EYS: variants seen among roughly 807,000 people sequenced by gnomAD.
EYS encodes the protein protein eyes shut homolog.
Under a neutral mutation model 282.1 loss-of-function variants are expected in EYS, and 250 were observed. That is an observed-to-expected ratio of 0.89 (90% CI 0.80 to 0.98). The LOEUF is 0.98. Ranked by LOEUF, EYS falls within the 50% of genes least tolerant of loss-of-function variation. The pLI, the probability that EYS is intolerant of heterozygous loss-of-function variation, is 0.00. For synonymous variants in EYS, 1,355 were observed against 1,282.9 expected (o/e 1.06, Z -1.20); for missense variants, 4,016 against 3,709.0 (o/e 1.08, Z -2.15).
At chr6:63,836,510 A>C (rs1480782265) in intron 36 of EYS, among the ~76,000 whole-genome samples, 2 of 152,072 alleles carry the variant, frequency 1.3e-5, no homozygotes, top group Non-Finnish European at 2.9e-5. Flanking sequence ...AGAAGGAAAA[A>C]AGTGAGCATA....
chr6:64,642,351 T>C (rs1768186899), intron 22 of EYS, among the ~76,000 whole-genome samples: 1 of 152,226 alleles, frequency 6.6e-6, no homozygotes, highest in South Asian at 2.1e-4. Context: ...ATATGATATT[T>C]GAAAAATTAT....
At chr6:63,837,099 C>T (rs114350367) in intron 36 of EYS, among the ~76,000 whole-genome samples, 1,880 of 152,092 alleles carry the variant, frequency 0.012, 32 homozygotes, top group African/African-American at 0.043. Context: ...TTTGATAGTA[C>T]TGTCTCATAT....
intron 41 of EYS, among the ~76,000 whole-genome samples, chr6:63,727,925 TA>T (rs762998819): frequency 2.1e-3 from 290 of 135,774 alleles, no homozygotes; most frequent in Non-Finnish European, 2.5e-3. Context: ...GACCCTGTCG[TA>T]AAAAAAAAAA....
chr6:64,656,239 G>A (rs1290851509), intron 22 of EYS, among the ~76,000 whole-genome samples: 1 of 152,168 alleles, frequency 6.6e-6, no homozygotes, highest in East Asian at 1.9e-4. Context: ...TCTAATGAGA[G>A]ATACAACTTT....
rs143521453 is a variant in EYS at position 65,388,247 on chromosome 6, A to G, written c.1185-3747T>C. On this transcript the variant is annotated intron_variant, in intron 7 of 42. Transcript: ENST00000503581. ...ATTAAAATTAACATGCTATACCTCT[A>G]TCCTAGAATATAGAAAGCTAGTATT... 3.2e-3 allele frequency among the ~76,000 whole-genome samples: 492 copies of G among 152,154 alleles called. 4 individuals carry two copies. Among genetic ancestry groups the G allele is most frequent in the African/African-American group, 0.011 (442 of 41,542 alleles).
chr6:64,518,784 C>CCCA (rs1554169755), intron 26 of EYS, among the ~76,000 whole-genome samples: 7 of 150,560 alleles, frequency 4.6e-5, no homozygotes, highest in East Asian at 2.0e-4. Flanking sequence ...TAAGGGGCCC[C>CCCA]CCCCTTCTCA....
intron 15 of EYS, among the ~76,000 whole-genome samples, chr6:64,937,451 C>T (rs1294024414): frequency 1.3e-5 from 2 of 151,480 alleles, no homozygotes; most frequent in African/African-American, 4.8e-5. Flanking sequence ...ATAAAAGGTA[C>T]ATAACTTCCA....
At chr6:64,293,774 T>A (rs1032463251) in intron 30 of EYS, among the ~76,000 whole-genome samples, 3 of 151,446 alleles carry the variant, frequency 2.0e-5, no homozygotes, top group African/African-American at 7.4e-5. Flanking sequence ...ATTACATTTT[T>A]AAACGTCCAT....
intron 31 of EYS, among the ~76,000 whole-genome samples, chr6:64,213,597 G>T (rs773638950): frequency 2.0e-5 from 3 of 152,058 alleles, no homozygotes; most frequent in East Asian, 1.9e-4. Flanking sequence ...TTGCATGAGG[G>T]TCACAATTCC....
chr6:65,082,772 T>C (rs1488033956), intron 12 of EYS, among the ~76,000 whole-genome samples: 2 of 151,480 alleles, frequency 1.3e-5, no homozygotes, highest in African/African-American at 4.9e-5. Context: ...TTTGATATAT[T>C]ATATTAATCA....
intron 2 of EYS, among the ~76,000 whole-genome samples, chr6:65,603,153 A>G (rs990757834): frequency 5.3e-5 from 8 of 151,998 alleles, no homozygotes; most frequent in African/African-American, 1.9e-4. Flanking sequence ...TTCAAATAAC[A>G]GAATGATACA....
At chr6:64,686,470 G>A (rs889804801) in intron 22 of EYS, among the ~76,000 whole-genome samples, 4 of 151,410 alleles carry the variant, frequency 2.6e-5, no homozygotes, top group South Asian at 2.1e-4. Context: ...GGGTGAGCGC[G>A]GTGGCTCACG....
intron 28 of EYS, among the ~76,000 whole-genome samples, chr6:64,413,629 T>C (rs1561981382): frequency 6.7e-6 from 1 of 149,780 alleles, no homozygotes. Flanking sequence ...ACAGAAAATA[T>C]CGTAAAGGTT....
intron 35 of EYS, among the ~76,000 whole-genome samples, chr6:63,913,501 C>T (rs941191102): frequency 2.6e-5 from 4 of 152,168 alleles, no homozygotes; most frequent in African/African-American, 9.7e-5. Context: ...ATACATACTT[C>T]CCATGTCCTT....
chr6:64,945,539 A>G (rs554207266), intron 15 of EYS, among the ~76,000 whole-genome samples: 1 of 152,222 alleles, frequency 6.6e-6, no homozygotes, highest in African/African-American at 2.4e-5. Flanking sequence ...GAAGAAGTAA[A>G]TGCATTTGTA....
chr6:64,103,858 G>A (rs144186006), intron 31 of EYS, among the ~76,000 whole-genome samples: 5 of 152,172 alleles, frequency 3.3e-5, no homozygotes, highest in Non-Finnish European at 7.4e-5. Context: ...CAAGAAAGAG[G>A]GAAGAGACTG....
intron 11 of EYS, among the ~76,000 whole-genome samples, chr6:65,315,366 T>C (rs1769270811): frequency 6.6e-6 from 1 of 152,220 alleles, no homozygotes; most frequent in African/African-American, 2.4e-5. Context: ...TGTCCTTGGA[T>C]GAACATTGCT....
chr6:64,441,325 A>G (rs1774938359), intron 26 of EYS, among the ~76,000 whole-genome samples: 1 of 152,214 alleles, frequency 6.6e-6, no homozygotes, highest in Non-Finnish European at 1.5e-5. Context: ...AAAGTTGAGC[A>G]AACTTTCCAC....
At chr6:63,835,541 A>G (rs1771783032) in intron 36 of EYS, among the ~76,000 whole-genome samples, 1 of 152,038 alleles carries the variant, frequency 6.6e-6, no homozygotes, top group East Asian at 1.9e-4. Context: ...TGAAGATGCA[A>G]AGGGATAAGA....
Sources: gnomAD v4.1 joint callset for allele counts (sites outside exome capture counted in the v4.1 genomes callset) on GRCh38, gnomAD v4.1.1 for gene constraint, MANE v1.5 for transcripts, NCBI Gene and HGNC (gene_info 2026-07-23, HGNC 2026-07-21) for gene names.